The following TLE3 variants were observed in gnomAD, a reference collection of about 807,000 sequenced individuals.
The protein encoded by TLE3 is transducin-like enhancer protein 3.
TLE3 carries 14 observed loss-of-function variants against 93.0 expected under a neutral mutation model. That is an observed-to-expected ratio of 0.15 (90% CI 0.10 to 0.24). The LOEUF (loss-of-function observed/expected upper bound fraction) is 0.24, where lower values mean the gene tolerates loss of function less well. Ranked by LOEUF, TLE3 falls within the 10% of genes least tolerant of loss-of-function variation. TLE3 has a pLI of 1.00. For missense variants in TLE3, 693 were observed against 1,046.6 expected, an observed-to-expected ratio of 0.66 and a Z score of 4.66; for synonymous variants, 451 against 425.0, an observed-to-expected ratio of 1.06 and a Z score of -0.75.
intron 9 of TLE3, 132 bp downstream of exon 9, chr15:70,060,398 C>T (rs1171748366): frequency 1.7e-6 from 2 of 1,183,040 alleles, no homozygotes; most frequent in Non-Finnish European, 2.4e-6. Flanking sequence ...CAATAGGGTC[C>T]CCTATCGCCA....
chr15:70,087,038 C>G (rs2058069573), intron 4 of TLE3, among the ~76,000 whole-genome samples: 2 of 152,198 alleles, frequency 1.3e-5, no homozygotes, highest in South Asian at 2.1e-4. Flanking sequence ...ACTAAGAAAG[C>G]TTCTATCCTT....
In TLE3 at chr15:70,053,245, C is replaced by T. The variant is rs767092729; in HGVS notation, c.1956G>A (p.Gln652=). 1 of 1,609,316 alleles carries T rather than the reference C, an allele frequency of 6.2e-7. No homozygotes were observed. Among genetic ancestry groups the T allele is most frequent in the Non-Finnish European group, 8.5e-7 (1 of 1,177,870 alleles). ...WDLREGRQLQ[Q]HDFTSQIFSL... ...CGCACACCTGGGAAGTGAAGTCATG[C>T]TGCTGTAGCTGTCGGCCCTCCCGCA... The change falls in exon 17 of 20, where the codon CAG becomes CAA. Residue 652 remains glutamine, a synonymous_variant. Transcript: ENST00000451782.
chr15:70,088,866 G>A (rs1596009739), intron 4 of TLE3, among the ~76,000 whole-genome samples: 1 of 152,208 alleles, frequency 6.6e-6, no homozygotes, highest in African/African-American at 2.4e-5. Context: ...AAACGGCCCA[G>A]AGCGGGCCCC....
At chr15:70,065,971 C>G in intron 7 of TLE3, 43 bp downstream of exon 7, 1 of 1,254,728 alleles carries the variant, frequency 8.0e-7, no homozygotes, top group Non-Finnish European at 1.2e-6. Context: ...GCGCCCATGC[C>G]CACCCCTGCC....
intron 4 of TLE3, among the ~76,000 whole-genome samples, chr15:70,088,414 A>AT (rs540351566): frequency 6.6e-6 from 1 of 152,252 alleles, no homozygotes; most frequent in South Asian, 2.1e-4. Flanking sequence ...TTTATAAAGA[A>AT]TTTTTTTTAA....
rs1204144886 is a variant in TLE3 at position 70,096,921 on chromosome 15, GC to G, written c.-124del. On this transcript the variant is annotated 5_prime_UTR_variant, in exon 1 of 20. Transcript: ENST00000451782. Reference sequence around the variant, plus strand: ...CCGGGAAACCGAGAGCTCGCCCCCGGCCCCCCCAGCTCGTTCTCGCAGCGAA... The same window carrying G: ...CCGGGAAACCGAGAGCTCGCCCCCGGCCCCCCAGCTCGTTCTCGCAGCGAA... The G allele has an allele frequency of 1.8e-5, 20 of 1,086,058 alleles. No homozygotes were observed. Among genetic ancestry groups the G allele is most frequent in the South Asian group, 2.7e-5 (2 of 74,362 alleles). The allele number at this position is 1,086,058 out of a possible 1,614,324, so 67.3% of individuals were successfully genotyped here.
chr15:70,090,609 G>A (rs541872064), intron 4 of TLE3, among the ~76,000 whole-genome samples: 6 of 152,280 alleles, frequency 3.9e-5, no homozygotes, highest in Admixed American at 1.3e-4. Context: ...GATCCAGAGC[G>A]GGGAGGGGAG....
chr15:70,053,211 G>A lies in TLE3; in HGVS notation c.1974+16C>T, dbSNP rs1360947490. 1 of 1,605,086 alleles carries A rather than the reference G, an allele frequency of 6.2e-7. No homozygotes were observed. The highest frequency in any genetic ancestry group is 2.2e-5 in the East Asian group (1 of 44,610). On this transcript the variant is annotated intron_variant, in intron 17 of 19. Coordinates refer to ENST00000451782, the MANE Select transcript of TLE3 (RefSeq NM_001105192.3). ...CACACTGCTCTTTGGGAAGGGAGGA[G>A]TCTTGGGCCGCACACCTGGGAAGTG...
rs1414753337 is a variant in TLE3, at chr15:70,088,370, TTCTCC to T, written c.234+6157_234+6161del. On this transcript the variant is annotated intron_variant, in intron 4 of 19. Coordinates refer to ENST00000451782, the MANE Select transcript of TLE3 (RefSeq NM_001105192.3). ...CAGGACGTTTCCCCCTTCCTTAAGT[TTCTCC>T]TTAACCCCAACTTGAAGGGAACAAT... Among the ~76,000 whole-genome samples, 8 of 152,336 alleles carry T rather than the reference TTCTCC, an allele frequency of 5.3e-5. No homozygotes were observed. In the East Asian group the frequency reaches 1.5e-3, roughly 29 times the overall value.
Position 70,054,419 on chromosome 15 carries a change from CTCCCT to C in TLE3, c.1826+14_1826+18del. 2 of 1,604,664 alleles carry C rather than the reference CTCCCT, an allele frequency of 1.2e-6. No homozygotes were observed. Among genetic ancestry groups the C allele is most frequent in the Non-Finnish European group, 1.7e-6 (2 of 1,173,458 alleles). ...ACTTCCCCAGGACGAGGCACTAATG[CTCCCT>C]CCTGCCGGCTCACCTGACCAGGGTC... On this transcript the variant is annotated intron_variant, in intron 16 of 19. Coordinates refer to ENST00000451782, the MANE Select transcript of TLE3 (RefSeq NM_001105192.3).
Position 70,060,336 on chromosome 15 carries a change from G to A in TLE3, c.714+194C>T, listed in dbSNP as rs577703517. Among the ~76,000 whole-genome samples, 6 of 152,284 alleles carry A rather than the reference G, an allele frequency of 3.9e-5. No individual in the cohort carries two copies. The South Asian group carries it at 1.2e-3, about 32-fold the overall frequency. ...ACCTCCGCCCCACAGTGGCTCGCATGCTCATAGCGTGTGTGAACTTCACCC... is the reference window on the plus strand; with the variant it reads ...ACCTCCGCCCCACAGTGGCTCGCATACTCATAGCGTGTGTGAACTTCACCC... On this transcript the variant is annotated intron_variant, in intron 9 of 19. Coordinates refer to ENST00000451782, the MANE Select transcript of TLE3 (RefSeq NM_001105192.3).
intron 14 of TLE3, chr15:70,055,981 G>C: frequency 2.2e-6 from 1 of 457,660 alleles, no homozygotes; most frequent in Non-Finnish European, 4.0e-6. Context: ...CAAAGGAGTC[G>C]GCAAGGCCCA....
intron 4 of TLE3, among the ~76,000 whole-genome samples, chr15:70,091,836 G>A (rs1248422565): frequency 6.6e-6 from 1 of 152,204 alleles, no homozygotes; most frequent in African/African-American, 2.4e-5. Context: ...GCCAGCAAAG[G>A]AGAGCTTTTA....
At position 70,055,241 on chromosome 15, in the gene TLE3, G is replaced by A. The variant is rs1288796900; in HGVS notation, c.1386C>T (p.His462=). 20 of 1,611,462 alleles carry A rather than the reference G, an allele frequency of 1.2e-5. No homozygotes were observed. In the Middle Eastern group the frequency reaches 4.9e-4, roughly 40 times the overall value. ...GGATGCCGGGGCCTGCCAGGGCGTC[G>A]TGGGGGAAGGGCACGGGCTGCATCT... is the stretch of plus-strand genomic sequence containing the variant. ...DGQMQPVPFP[H]DALAGPGIPR... Residue 462 remains histidine (H), a synonymous_variant, in exon 15 of 20, where the codon CAC becomes CAT. Coordinates refer to ENST00000451782, the MANE Select transcript of TLE3 (RefSeq NM_001105192.3).
chr15:70,087,721 TG>T (rs1166666560), intron 4 of TLE3, among the ~76,000 whole-genome samples: 2 of 152,176 alleles, frequency 1.3e-5, no homozygotes, highest in African/African-American at 4.8e-5. Context: ...GCCCCACAGA[TG>T]GGAAGTTGCT....
At chr15:70,087,492 A>C (rs2058086446) in intron 4 of TLE3, among the ~76,000 whole-genome samples, 1 of 152,248 alleles carries the variant, frequency 6.6e-6, no homozygotes, top group Non-Finnish European at 1.5e-5. Flanking sequence ...TTTTTCAAAC[A>C]GTTTGTCCTC....
At chr15:70,072,989 C>T (rs2057261384) in intron 6 of TLE3, among the ~76,000 whole-genome samples, 1 of 152,216 alleles carries the variant, frequency 6.6e-6, no homozygotes, top group African/African-American at 2.4e-5. Context: ...GCCCATTCCA[C>T]ACAGTAGGCC....
Position 70,096,265 on chromosome 15 carries a change from G to A in TLE3, c.25-4C>T, listed in dbSNP as rs1250666907. Reference sequence around the variant, plus strand: ...GCTGCCCGGGTTGATGGGGAGCCTGGAGCCCGCGAAGACAAGACAGGGGAG... The same window carrying A: ...GCTGCCCGGGTTGATGGGGAGCCTGAAGCCCGCGAAGACAAGACAGGGGAG... On this transcript the variant is annotated splice_polypyrimidine_tract_variant and splice_region_variant and intron_variant, in intron 1 of 19. Coordinates refer to ENST00000451782, the MANE Select transcript of TLE3 (RefSeq NM_001105192.3). 1 of 1,552,190 alleles carries A rather than the reference G, an allele frequency of 6.4e-7. No homozygotes were observed. Among genetic ancestry groups the A allele is most frequent in the Non-Finnish European group, 8.7e-7 (1 of 1,147,752 alleles).
Position 70,054,691 on chromosome 15 carries a change from G to A in TLE3, c.1579-6C>T. The A allele has an allele frequency of 6.3e-7, 1 of 1,579,594 alleles. No homozygotes were observed. Among genetic ancestry groups the A allele is most frequent in the South Asian group, 1.2e-5 (1 of 86,472 alleles). ...CGGATGTAATTGTCCCTGTTCTGGAGGGAGAAGGGGCAGGGCTGAGTGCTG... is the reference window on the plus strand; with the variant it reads ...CGGATGTAATTGTCCCTGTTCTGGAAGGAGAAGGGGCAGGGCTGAGTGCTG... On this transcript the variant is annotated splice_region_variant and splice_polypyrimidine_tract_variant and intron_variant, in intron 15 of 19. Transcript: ENST00000451782.
Sources: gnomAD v4.1 joint callset for allele counts (sites outside exome capture counted in the v4.1 genomes callset) on GRCh38, gnomAD v4.1.1 for gene constraint, MANE v1.5 for transcripts, NCBI Gene and HGNC (gene_info 2026-07-23, HGNC 2026-07-21) for gene names.